UBXN8: variants seen among roughly 807,000 people sequenced by gnomAD.
UBXN8 encodes the protein UBX domain-containing protein 8.
Under a neutral mutation model 32.1 loss-of-function variants are expected in UBXN8, and 27 were observed. The observed-to-expected ratio is 0.84, with a 90% confidence interval of 0.62 to 1.16. UBXN8 has a LOEUF of 1.16. Ranked by LOEUF, UBXN8 falls within the 50% of genes most tolerant of loss-of-function variation. The probability of loss-of-function intolerance (pLI) is 0.00; values close to 1 mark genes in which losing one functional copy is unlikely to be tolerated. For synonymous variants in UBXN8, 109 were observed against 111.8 expected, an observed-to-expected ratio of 0.98 and a Z score of 0.16; for missense variants, 306 against 311.4, an observed-to-expected ratio of 0.98 and a Z score of 0.13.
At position 30,766,552 on chromosome 8, in the gene UBXN8, G is replaced by T; in HGVS notation, c.*158G>T. 2.8e-6 allele frequency: 2 copies of T among 705,794 alleles called. No homozygotes were observed. The highest frequency in any genetic ancestry group is 4.2e-6 in the Non-Finnish European group (2 of 472,384). The allele number at this position is 705,794 out of a possible 1,614,324, so 43.7% of individuals were successfully genotyped here. A position where few individuals can be genotyped will look rare whatever the true frequency, so the allele number is the denominator to read the frequency against. On this transcript the variant is annotated 3_prime_UTR_variant, in exon 8 of 8. Transcript: ENST00000265616. Reference sequence around the variant, plus strand: ...ATGGGAATAGGATTAGAAAAGGATTGCTTTCTATATATAATAATCTGTGGA... The same window carrying T: ...ATGGGAATAGGATTAGAAAAGGATTTCTTTCTATATATAATAATCTGTGGA...
chr8:30,738,217 C>A (rs768118574), intron 1 of UBXN8, among the ~76,000 whole-genome samples: 1 of 152,062 alleles, frequency 6.6e-6, no homozygotes, highest in African/African-American at 2.4e-5. Context: ...TTAAAAACTT[C>A]TCATCAAAAA....
At chr8:30,765,125 C>A (rs1299270464) in intron 7 of UBXN8, among the ~76,000 whole-genome samples, 2 of 152,028 alleles carry the variant, frequency 1.3e-5, no homozygotes, top group African/African-American at 4.8e-5. Context: ...GCTGACCAGG[C>A]CAATCTTGAA....
At chr8:30,762,726 A>G (rs971964875) in intron 6 of UBXN8, among the ~76,000 whole-genome samples, 1 of 151,972 alleles carries the variant, frequency 6.6e-6, no homozygotes, top group Non-Finnish European at 1.5e-5. Context: ...AGCTTTCCTG[A>G]GAGGGAGGGG....
intron 1 of UBXN8, among the ~76,000 whole-genome samples, chr8:30,749,398 A>AT (rs987034747): frequency 1.1e-4 from 8 of 72,468 alleles, no homozygotes; most frequent in Middle Eastern, 5.3e-3. Flanking sequence ...GTCTCAAAAA[A>AT]AAAAAATAAA....
In UBXN8 at chr8:30,754,836, C is replaced by T. The variant is rs533219833; in HGVS notation, c.405+49C>T. 3.3e-6 allele frequency: 5 copies of T among 1,521,624 alleles called. No individual in the cohort carries two copies. In the East Asian group the frequency reaches 1.3e-4, roughly 39 times the overall value. 94.3% of individuals were successfully genotyped at this position (1,521,624 alleles called of 1,614,324 possible). Reference sequence around the variant, plus strand: ...ATTTTGAATCCTCTTACTATGTTTCCTATTACATGATTGATTTTTAATTGA... The same window carrying T: ...ATTTTGAATCCTCTTACTATGTTTCTTATTACATGATTGATTTTTAATTGA... On this transcript the variant is annotated intron_variant, in intron 4 of 7. Transcript: ENST00000265616.
chr8:30,753,037 G>C lies in UBXN8; in HGVS notation c.214G>C (p.Glu72Gln), dbSNP rs1341783165. The part of the protein sequence containing the change: ...FKSPQVYLKE[E>Q]EEKNEKRQKL... ...ACTTTTATGTTTTGATGTCTTAGAA[G>C]AAGAAGAAAAGAATGAGAAAAGACA... Residue 72 changes from glutamate to glutamine, a missense_variant and splice_region_variant, in exon 3 of 8, where the codon GAA (glutamate) becomes CAA (glutamine). Glu to Gln is a conservative substitution (Grantham distance 29). Coordinates refer to ENST00000265616, the MANE Select transcript of UBXN8 (RefSeq NM_005671.4). 2.6e-6 allele frequency: 4 copies of C among 1,521,098 alleles called. No individual in the cohort carries two copies. Among genetic ancestry groups the C allele is most frequent in the Middle Eastern group, 3.4e-4 (2 of 5,888 alleles). The allele number at this position is 1,521,098 out of a possible 1,614,324, so 94.2% of individuals were successfully genotyped here.
At chr8:30,754,308 G>A in intron 3 of UBXN8, 1 of 383,174 alleles carries the variant, frequency 2.6e-6, no homozygotes, top group Non-Finnish European at 5.3e-6. Flanking sequence ...TCTAAAGATG[G>A]CACTTGGTTT....
At chr8:30,759,190 G>A (rs552253152) in intron 5 of UBXN8, among the ~76,000 whole-genome samples, 1 of 151,752 alleles carries the variant, frequency 6.6e-6, no homozygotes, top group African/African-American at 2.4e-5. Context: ...ACCACGCCCG[G>A]CCACAAATGT....
chr8:30,736,752 C>T (rs1040050354), intron 1 of UBXN8, among the ~76,000 whole-genome samples: 2 of 152,180 alleles, frequency 1.3e-5, no homozygotes, highest in Non-Finnish European at 2.9e-5. Flanking sequence ...GGATTACAAG[C>T]GTGAGCCACT....
chr8:30,741,021 T>A (rs1310631358), upstream of UBXN8, among the ~76,000 whole-genome samples: 2 of 152,186 alleles, frequency 1.3e-5, no homozygotes, highest in African/African-American at 4.8e-5. Context: ...TTCACCTTGT[T>A]GGGTGTACCG....
chr8:30,733,506 GC>G (rs1586083087), intron 1 of UBXN8, among the ~76,000 whole-genome samples: 1 of 152,326 alleles, frequency 6.6e-6, no homozygotes, highest in East Asian at 1.9e-4. Flanking sequence ...ACACCAGCGA[GC>G]TTCCACCTTG....
In UBXN8 at chr8:30,766,921, GTA is replaced by G. The variant is rs1404945434; in HGVS notation, c.*529_*530del. On this transcript the variant is annotated 3_prime_UTR_variant, in exon 8 of 8. Coordinates refer to ENST00000265616, the MANE Select transcript of UBXN8 (RefSeq NM_005671.4). The stretch of plus-strand genomic sequence containing the variant: ...TTTGCGATTTATATAATTTTGCCTT[GTA>G]TTAAATGTTACAAAGTTCCAAATGA... 1 of 152,120 alleles carries G rather than the reference GTA, an allele frequency of 6.6e-6. No homozygotes were observed. The highest frequency in any genetic ancestry group is 2.4e-5 in the African/African-American group (1 of 41,414). The allele number at this position is 152,120 out of a possible 1,614,324, so 9.4% of individuals were successfully genotyped here.
chr8:30,730,561 C>T (rs915730048), upstream of UBXN8, among the ~76,000 whole-genome samples: 4 of 152,072 alleles, frequency 2.6e-5, no homozygotes, highest in Non-Finnish European at 4.4e-5. Context: ...GGAACCGACC[C>T]CCAGTGGGAC....
upstream of UBXN8, among the ~76,000 whole-genome samples, chr8:30,731,333 G>A (rs1804947679): frequency 2.0e-5 from 3 of 152,214 alleles, no homozygotes; most frequent in South Asian, 4.2e-4. Context: ...CGGCCCAGTC[G>A]CCCCCTTATC....
At chr8:30,751,009 A>C (rs1261392880) in intron 1 of UBXN8, among the ~76,000 whole-genome samples, 7 of 152,150 alleles carry the variant, frequency 4.6e-5, no homozygotes, top group Non-Finnish European at 1.0e-4. Flanking sequence ...ATGTGGGAGC[A>C]TAGACTGTAT....
At chr8:30,758,920 G>T (rs1805750503) in intron 5 of UBXN8, among the ~76,000 whole-genome samples, 2 of 129,036 alleles carry the variant, frequency 1.5e-5, no homozygotes, top group African/African-American at 5.8e-5. Context: ...TTGAGACGGA[G>T]TCTCGCTTTG....
chr8:30,732,356 A>G (rs933848421), upstream of UBXN8: 1 of 398,112 alleles, frequency 2.5e-6, no homozygotes, highest in East Asian at 3.6e-5. Flanking sequence ...AAAAGCTCAG[A>G]TCTGCCAACA....
chr8:30,753,067 C>G lies in UBXN8; in HGVS notation c.244C>G (p.Leu82Val), dbSNP rs752060395. ...AGAAAAGAATGAGAAAAGACAAAAA[C>G]TTGTGAGAAAAAAACAACAAGAAGC... ...EEEKNEKRQK[L>V]VRKKQQEAQG... The change falls in exon 3 of 8, where the codon CTT (leucine) becomes GTT (valine). Residue 82 changes from leucine to valine, a missense_variant. Physicochemically the swap from Leu to Val is conservative, Grantham distance 32. Coordinates refer to ENST00000265616, the MANE Select transcript of UBXN8 (RefSeq NM_005671.4). 3.3e-6 allele frequency: 5 copies of G among 1,526,650 alleles called. No homozygotes were observed. The South Asian group carries it at 5.2e-5, about 16-fold the overall frequency. The allele number at this position is 1,526,650 out of a possible 1,614,324, so 94.6% of individuals were successfully genotyped here.
intron 6 of UBXN8, among the ~76,000 whole-genome samples, chr8:30,761,189 G>A (rs1805822543): frequency 6.6e-6 from 1 of 151,660 alleles, no homozygotes; most frequent in South Asian, 2.1e-4. Flanking sequence ...GGAATGTAGT[G>A]TAGTATCAAA....
Sources: allele counts gnomAD v4.1 joint callset (sites outside exome capture counted in the v4.1 genomes callset), GRCh38; gene constraint gnomAD v4.1.1; transcripts MANE v1.5; gene names NCBI Gene and HGNC (gene_info 2026-07-23, HGNC 2026-07-21).